VSTM2A: variants seen among roughly 807,000 people sequenced by gnomAD.
The protein encoded by VSTM2A is V-set and transmembrane domain-containing protein 2A.
In VSTM2A, 13 loss-of-function variants were observed where a neutral mutation model predicts 27.3. The ratio of observed to expected loss-of-function variants is 0.48; its 90% CI spans 0.31 to 0.76. VSTM2A has a LOEUF of 0.76. VSTM2A is among the 30% of genes least tolerant of loss of function. The pLI, the probability that VSTM2A is intolerant of heterozygous loss-of-function variation, is 0.05. For missense variants in VSTM2A, 280 were observed against 310.0 expected (o/e 0.90, Z 0.73); for synonymous variants, 142 against 125.7 (o/e 1.13, Z -0.87).
At chr7:54,550,766 C>T (rs531379361) in intron 4 of VSTM2A, 1 of 153,690 alleles carries the variant, frequency 6.5e-6, no homozygotes, top group African/African-American at 2.4e-5. Flanking sequence ...AATTTAGAAG[C>T]TTAGTCACAG....
Position 54,569,371 on chromosome 7 carries a change from T to G in VSTM2A, c.*152T>G, listed in dbSNP as rs1788823470. 1 of 1,360,030 alleles carries G rather than the reference T, an allele frequency of 7.4e-7. No individual in the cohort carries two copies. Among genetic ancestry groups the G allele is most frequent in the Admixed American group, 2.7e-5 (1 of 36,826 alleles). 84.2% of individuals were successfully genotyped at this position (1,360,030 alleles called of 1,614,324 possible). ...AACGTTTTCTAATAGCAAGATCTAT[T>G]TTTTCCCTTTTCTTTCGGCGACTAA... On this transcript the variant is annotated 3_prime_UTR_variant, in exon 5 of 5. Transcript: ENST00000402613.
chr7:54,546,807 G>T (rs1169907365), intron 2 of VSTM2A, 140 bp from the exon 3 acceptor site: 1 of 954,262 alleles, frequency 1.0e-6, no homozygotes, highest in South Asian at 1.6e-5. Context: ...GCCTGGACAG[G>T]GGTGGCCACG....
chr7:54,555,655 C>T (rs2115856863), intron 4 of VSTM2A, among the ~76,000 whole-genome samples: 1 of 152,286 alleles, frequency 6.6e-6, no homozygotes, highest in East Asian at 1.9e-4. Flanking sequence ...TCTGGAAAAC[C>T]TCTTAGTTTT....
chr7:54,558,799 G>A (rs754752486), intron 4 of VSTM2A: 35 of 151,992 alleles, frequency 2.3e-4, no homozygotes, highest in East Asian at 1.9e-4. Context: ...TCCAAATGAA[G>A]GCCAGTTAAA....
chr7:54,546,877 C>T, intron 2 of VSTM2A, 70 bp from the exon 3 acceptor site: 1 of 1,587,226 alleles, frequency 6.3e-7, no homozygotes, highest in South Asian at 1.1e-5. Context: ...GCCGCGAAGG[C>T]TATGCTCGCG....
At chr7:54,564,332 C>T (rs1788655917) in intron 4 of VSTM2A, among the ~76,000 whole-genome samples, 1 of 152,038 alleles carries the variant, frequency 6.6e-6, no homozygotes, top group South Asian at 2.1e-4. Context: ...TTTTCTTGCT[C>T]CTTTTGATTA....
chr7:54,556,666 T>C (rs1368475450), intron 4 of VSTM2A, among the ~76,000 whole-genome samples: 1 of 152,168 alleles, frequency 6.6e-6, no homozygotes, highest in African/African-American at 2.4e-5. Flanking sequence ...AAGACAAAAA[T>C]AGATATAAGG....
Position 54,561,031 on chromosome 7 carries a change from C to T in VSTM2A, c.635-8100C>T, listed in dbSNP as rs143937758. On this transcript the variant is annotated intron_variant, in intron 4 of 4. Transcript: ENST00000402613. The stretch of plus-strand genomic sequence containing the variant: ...TTTTCTGATTAAACAAATCCATATG[C>T]TATGAAGGCAATTTTCTAACTTCTA... Among the ~76,000 whole-genome samples the T allele has an allele frequency of 5.5e-3, 839 of 152,160 alleles. 3 individuals carry two copies. Among genetic ancestry groups the T allele is most frequent in the Admixed American group, 8.8e-3 (135 of 15,296 alleles).
intron 4 of VSTM2A, among the ~76,000 whole-genome samples, chr7:54,561,221 T>C (rs1423427430): frequency 6.6e-6 from 1 of 152,242 alleles, no homozygotes; most frequent in Non-Finnish European, 1.5e-5. Context: ...TCCTGAACTT[T>C]GGGTGTCATT....
At chr7:54,555,776 A>G (rs1182897093) in intron 4 of VSTM2A, among the ~76,000 whole-genome samples, 1 of 152,128 alleles carries the variant, frequency 6.6e-6, no homozygotes, top group African/African-American at 2.4e-5. Context: ...TCATGTTATT[A>G]TTATTTTGTA....
rs183059196 is a variant in VSTM2A at position 54,548,932 on chromosome 7, T to A, written c.298-902T>A. On this transcript the variant is annotated intron_variant, in intron 3 of 4. Coordinates refer to ENST00000402613, the MANE Select transcript of VSTM2A (RefSeq NM_001301009.2). ...CCAAATTCTTGAATCCCAAATGTCT[T>A]ATGAACCCTATCATTGTCTCAGTTA... is the stretch of plus-strand genomic sequence containing the variant. 3.3e-3 allele frequency among the ~76,000 whole-genome samples: 506 copies of A among 151,604 alleles called. 1 individual carries two copies. The highest frequency in any genetic ancestry group is 7.6e-3 in the Admixed American group (116 of 15,214).
chr7:54,561,704 T>C (rs1225020171), intron 4 of VSTM2A, among the ~76,000 whole-genome samples: 1 of 152,144 alleles, frequency 6.6e-6, no homozygotes, highest in Non-Finnish European at 1.5e-5. Context: ...TTAAGAAAAC[T>C]TGAAATAGCT....
intron 3 of VSTM2A, among the ~76,000 whole-genome samples, chr7:54,549,162 T>A (rs1288154524): frequency 1.3e-5 from 2 of 152,092 alleles, no homozygotes; most frequent in African/African-American, 4.8e-5. Context: ...ATCGATGGCA[T>A]CCCAAGTCCC....
Position 54,553,757 on chromosome 7 carries a change from G to GT in VSTM2A, c.634+3590dup, listed in dbSNP as rs1788260315. ...CCAGGATCTTGACCAGGATGGAGTG[G>GT]TTTAGGTCCCTCTTCGCAGAGAACA... On this transcript the variant is annotated intron_variant, in intron 4 of 4. Coordinates refer to ENST00000402613, the MANE Select transcript of VSTM2A (RefSeq NM_001301009.2). 2.8e-6 allele frequency: 4 copies of GT among 1,450,650 alleles called. No individual in the cohort carries two copies. The South Asian group carries it at 5.4e-5, about 20-fold the overall frequency. The allele number at this position is 1,450,650 out of a possible 1,614,324, so 89.9% of individuals were successfully genotyped here.
chr7:54,546,818 C>G, intron 2 of VSTM2A, 129 bp from the exon 3 acceptor site: 1 of 1,233,316 alleles, frequency 8.1e-7, no homozygotes, highest in Non-Finnish European at 1.1e-6. Flanking sequence ...GGTGGCCACG[C>G]CCCTGGTCGC....
At chr7:54,565,591 C>G (rs1259436148) in intron 4 of VSTM2A, among the ~76,000 whole-genome samples, 1 of 152,216 alleles carries the variant, frequency 6.6e-6, no homozygotes, top group Non-Finnish European at 1.5e-5. Flanking sequence ...AGAACAGGAG[C>G]TGGTGGCACT....
At chr7:54,552,468 A>G (rs1009207039) in intron 4 of VSTM2A, 7 of 152,190 alleles carry the variant, frequency 4.6e-5, no homozygotes, top group Non-Finnish European at 1.0e-4. Flanking sequence ...TAATACCCAC[A>G]TCCTGATTTA....
chr7:54,562,211 C>T (rs1012131076), intron 4 of VSTM2A, among the ~76,000 whole-genome samples: 3 of 152,128 alleles, frequency 2.0e-5, no homozygotes, highest in African/African-American at 7.2e-5. Flanking sequence ...CGTGAGCCAC[C>T]GCTCCCAGCC....
Position 54,569,173 on chromosome 7 carries a change from A to G in VSTM2A, c.677A>G (p.Lys226Arg). 2 of 1,552,108 alleles carry G rather than the reference A, an allele frequency of 1.3e-6. No individual in the cohort carries two copies. Among genetic ancestry groups the G allele is most frequent in the African/African-American group, 2.7e-5 (2 of 73,196 alleles). ...GTAAAATCTACGGAGCGGACAGCAA[A>G]GTTGACCCTAAACTCCAAGCACCAC... Reference protein sequence around the residue: ...SPVKSTERTAKLTLNSKHHPA... With the variant: ...SPVKSTERTARLTLNSKHHPA... The change falls in exon 5 of 5, where the codon AAG becomes AGG. Residue 226 changes from lysine to arginine, a missense_variant. By Grantham distance (26) the Lys-to-Arg change is conservative. Coordinates refer to ENST00000402613, the MANE Select transcript of VSTM2A (RefSeq NM_001301009.2).
Sources: gnomAD v4.1 joint callset for allele counts (sites outside exome capture counted in the v4.1 genomes callset) on GRCh38, gnomAD v4.1.1 for gene constraint, MANE v1.5 for transcripts, NCBI Gene and HGNC (gene_info 2026-07-23, HGNC 2026-07-21) for gene names.